The following P2RY2 variants were observed in gnomAD, a reference collection of about 807,000 sequenced individuals.
P2RY2 encodes the protein P2Y purinoceptor 2.
For synonymous variants in P2RY2, 241 were observed against 231.9 expected (o/e 1.04, Z -0.35); for missense variants, 567 against 515.7 (o/e 1.10, Z -0.96).
Position 73,235,104 on chromosome 11 carries a change from C to T in P2RY2, c.945C>T (p.Arg315=), listed in dbSNP as rs771589233. The change falls in exon 3 of 3, where the codon CGC becomes CGT. Residue 315 remains arginine (R), a synonymous_variant. Coordinates refer to ENST00000393597, the MANE Select transcript of P2RY2 (RefSeq NM_002564.4). ...LYFLAGQRLV[R]FARDAKPPTG... The stretch of plus-strand genomic sequence containing the variant: ...TCCTGGCTGGGCAGAGGCTCGTACG[C>T]TTTGCCCGAGATGCCAAGCCACCCA... The T allele has an allele frequency of 3.7e-5, 60 of 1,606,594 alleles. No homozygotes were observed. The highest frequency in any genetic ancestry group is 5.0e-5 in the Non-Finnish European group (59 of 1,178,536).
At chr11:73,225,662 C>T (rs1213236429) in intron 1 of P2RY2, among the ~76,000 whole-genome samples, 3 of 93,702 alleles carry the variant, frequency 3.2e-5, no homozygotes, top group Non-Finnish European at 6.9e-5. Flanking sequence ...ATGCCGTTTG[C>T]TAATTCAGGA....
At chr11:73,221,506 T>A (rs1192285969) in intron 1 of P2RY2, among the ~76,000 whole-genome samples, 1 of 152,132 alleles carries the variant, frequency 6.6e-6, no homozygotes, top group Non-Finnish European at 1.5e-5. Flanking sequence ...GGCTTTCTTG[T>A]GGCCAGATTA....
chr11:73,232,537 GAGT>G (rs891852119), intron 2 of P2RY2, among the ~76,000 whole-genome samples: 1 of 151,764 alleles, frequency 6.6e-6, no homozygotes, highest in African/African-American at 2.4e-5. Context: ...TCAGACTTCC[GAGT>G]AGCTGGGACT....
intron 2 of P2RY2, among the ~76,000 whole-genome samples, chr11:73,229,800 G>GA (rs1024963007): frequency 6.6e-5 from 10 of 152,128 alleles, no homozygotes; most frequent in African/African-American, 1.9e-4. Flanking sequence ...TGTTGACTGT[G>GA]AAGGGAAGTC....
At chr11:73,233,160 T>G (rs1270117569) in intron 2 of P2RY2, among the ~76,000 whole-genome samples, 1 of 152,166 alleles carries the variant, frequency 6.6e-6, no homozygotes, top group Non-Finnish European at 1.5e-5. Context: ...TATCCCTATC[T>G]CCAACCCAGA....
chr11:73,222,142 C>G (rs1360917634), intron 1 of P2RY2, among the ~76,000 whole-genome samples: 1 of 152,108 alleles, frequency 6.6e-6, no homozygotes, highest in Non-Finnish European at 1.5e-5. Context: ...GAATGAGAGG[C>G]CTGGGTGCTG....
chr11:73,241,087 T>C lies in P2RY2; in HGVS notation c.*5794T>C, dbSNP rs1046360534. On this transcript the variant is annotated 3_prime_UTR_variant, in exon 3 of 3. Coordinates refer to ENST00000393597, the MANE Select transcript of P2RY2 (RefSeq NM_002564.4). ...AGAGCTCCTCACCCTCTTTCCACCA[T>C]GTGAGGATATAATGAGAAGTTGGCA... 6 of 152,182 alleles carry C rather than the reference T, an allele frequency of 3.9e-5. No individual in the cohort carries two copies. Among genetic ancestry groups the C allele is most frequent in the African/African-American group, 1.2e-4 (5 of 41,408 alleles). The allele number at this position is 152,182 out of a possible 1,614,324, so 9.4% of individuals were successfully genotyped here. A position where few individuals can be genotyped will look rare whatever the true frequency, so the allele number is the denominator to read the frequency against.
Position 73,236,526 on chromosome 11 carries a change from C to T in P2RY2, c.*1233C>T, listed in dbSNP as rs1862657534. On this transcript the variant is annotated 3_prime_UTR_variant, in exon 3 of 3. Transcript: ENST00000393597. ...AAGCAGCTCACCGGAAGAACATCCA[C>T]ACACAGGATGCATCCCAGGCAAAGA... 1.0e-6 allele frequency: 1 copy of T among 980,314 alleles called. No individual in the cohort carries two copies. Among genetic ancestry groups the T allele is most frequent in the Admixed American group, 6.2e-5 (1 of 16,260 alleles). The allele number at this position is 980,314 out of a possible 1,614,324, so 60.7% of individuals were successfully genotyped here.
At chr11:73,219,847 A>G (rs1862069207) in intron 1 of P2RY2, among the ~76,000 whole-genome samples, 1 of 152,144 alleles carries the variant, frequency 6.6e-6, no homozygotes, top group Non-Finnish European at 1.5e-5. Flanking sequence ...CTTGGGACCC[A>G]GCTCAGATGT....
chr11:73,228,288 C>G (rs1463281640), intron 2 of P2RY2, 113 bp downstream of exon 2: 1 of 152,224 alleles, frequency 6.6e-6, no homozygotes, highest in Non-Finnish European at 1.5e-5. Flanking sequence ...GATCTGAAGG[C>G]AGGTGCCCTG....
Position 73,235,785 on chromosome 11 carries a change from G to A in P2RY2, c.*492G>A. On this transcript the variant is annotated 3_prime_UTR_variant, in exon 3 of 3. Coordinates refer to ENST00000393597, the MANE Select transcript of P2RY2 (RefSeq NM_002564.4). ...TTTGCACAGTGGTCTGGAATGGACT[G>A]GGTGCCACGGTGGACTTAGCTCTGA... is the stretch of plus-strand genomic sequence containing the variant. 22 of 1,001,594 alleles carry A rather than the reference G, an allele frequency of 2.2e-5. No homozygotes were observed. The highest frequency in any genetic ancestry group is 2.6e-5 in the Non-Finnish European group (22 of 831,072). 62.0% of individuals were successfully genotyped at this position (1,001,594 alleles called of 1,614,324 possible). A position where few individuals can be genotyped will look rare whatever the true frequency, so the allele number is the denominator to read the frequency against.
rs973444693 is a variant in P2RY2, at chr11:73,238,696, G to A, written c.*3403G>A. ...CTATTTAGCAGATGAGGAAACAGGA[G>A]AAGGGCGTGAGAAGTGAGGACTTGT... On this transcript the variant is annotated 3_prime_UTR_variant, in exon 3 of 3. Coordinates refer to ENST00000393597, the MANE Select transcript of P2RY2 (RefSeq NM_002564.4). 3.3e-5 allele frequency among the ~76,000 whole-genome samples: 5 copies of A among 152,234 alleles called. No homozygotes were observed. Among genetic ancestry groups the A allele is most frequent in the African/African-American group, 1.2e-4 (5 of 41,472 alleles).
In P2RY2 at chr11:73,235,948, G is replaced by C; in HGVS notation, c.*655G>C. Reference sequence around the variant, plus strand: ...GTTGCCTGCTGAGCTGTGCCCTATTGTGTGGTCGGGGGATGAGGATATGGC... The same window carrying C: ...GTTGCCTGCTGAGCTGTGCCCTATTCTGTGGTCGGGGGATGAGGATATGGC... On this transcript the variant is annotated 3_prime_UTR_variant, in exon 3 of 3. Transcript: ENST00000393597. 4.0e-6 allele frequency: 4 copies of C among 1,000,350 alleles called. No homozygotes were observed. Among genetic ancestry groups the C allele is most frequent in the Non-Finnish European group, 4.8e-6 (4 of 830,064 alleles). The allele number at this position is 1,000,350 out of a possible 1,614,324, so 62.0% of individuals were successfully genotyped here.
chr11:73,228,349 A>G (rs1453079105), intron 2 of P2RY2, among the ~76,000 whole-genome samples, 174 bp downstream of exon 2: 3 of 152,256 alleles, frequency 2.0e-5, no homozygotes, highest in Non-Finnish European at 4.4e-5. Flanking sequence ...GAAGCCAGAT[A>G]GCTCTGGGTG....
chr11:73,234,848 A>T lies in P2RY2; in HGVS notation c.689A>T (p.Tyr230Phe), dbSNP rs1357382607. Residue 230 changes from tyrosine (Y) to phenylalanine (F), a missense_variant, in exon 3 of 3, where the codon TAC becomes TTC. Physicochemically the swap from Tyr to Phe is conservative, Grantham distance 22. Transcript: ENST00000393597. ...LMARRLLKPA[Y>F]GTSGGLPRAK... is the part of the protein sequence containing the mutation. Reference sequence around the variant, plus strand: ...GCTCGGCGACTGCTAAAGCCAGCCTACGGGACCTCGGGCGGCCTGCCTAGG... The same window carrying T: ...GCTCGGCGACTGCTAAAGCCAGCCTTCGGGACCTCGGGCGGCCTGCCTAGG... The T allele has an allele frequency of 1.2e-6, 2 of 1,610,754 alleles. No homozygotes were observed. Among genetic ancestry groups the T allele is most frequent in the Non-Finnish European group, 8.5e-7 (1 of 1,179,944 alleles).
At chr11:73,227,690 G>C (rs1368394027) in intron 1 of P2RY2, among the ~76,000 whole-genome samples, 1 of 152,222 alleles carries the variant, frequency 6.6e-6, no homozygotes, top group Admixed American at 6.5e-5. Context: ...GACACTGGAG[G>C]CTTGGAGGCT....
Position 73,238,185 on chromosome 11 carries a change from C to T in P2RY2, c.*2892C>T, listed in dbSNP as rs537401764. Among the ~76,000 whole-genome samples the T allele has an allele frequency of 1.3e-5, 2 of 152,342 alleles. No individual in the cohort carries two copies. Among genetic ancestry groups the T allele is most frequent in the African/African-American group, 4.8e-5 (2 of 41,576 alleles). ...CTGCTGTCACTCACACTGCCCAGCT[C>T]TTCCTGCCCAGGGTGACTGGGATGG... On this transcript the variant is annotated 3_prime_UTR_variant, in exon 3 of 3. Coordinates refer to ENST00000393597, the MANE Select transcript of P2RY2 (RefSeq NM_002564.4).
Position 73,234,669 on chromosome 11 carries a change from C to G in P2RY2, c.510C>G (p.Tyr170Ter). 6.3e-7 allele frequency: 1 copy of G among 1,594,224 alleles called. No individual in the cohort carries two copies. Among genetic ancestry groups the G allele is most frequent in the Non-Finnish European group, 8.5e-7 (1 of 1,169,972 alleles). Residue 170 changes from tyrosine to a stop codon, truncating the protein, a stop_gained, in exon 3 of 3, where the codon TAC becomes TAG. Coordinates refer to ENST00000393597, the MANE Select transcript of P2RY2 (RefSeq NM_002564.4). LOFTEE classifies it low-confidence loss of function (END_TRUNC). ...TGGCCTGCCAGGCCCCCGTGCTCTA[C>G]TTTGTCACCACCAGCGCGCGCGGGG... is the stretch of plus-strand genomic sequence containing the variant. Reference protein sequence around the residue: ...LVLACQAPVLYFVTTSARGGR... With the variant: ...LVLACQAPVL
Position 73,235,831 on chromosome 11 carries a change from G to C in P2RY2, c.*538G>C. 2.0e-6 allele frequency: 2 copies of C among 1,000,914 alleles called. No individual in the cohort carries two copies. Among genetic ancestry groups the C allele is most frequent in the Non-Finnish European group, 2.4e-6 (2 of 830,532 alleles). The allele number at this position is 1,000,914 out of a possible 1,614,324, so 62.0% of individuals were successfully genotyped here. On this transcript the variant is annotated 3_prime_UTR_variant, in exon 3 of 3. Transcript: ENST00000393597. ...TCTGAGGAGTACCCCCAGCCCAAGA[G>C]ATGAACATCTGGGGACTAATATCAT... is the stretch of plus-strand genomic sequence containing the variant.
Sources: gnomAD v4.1 joint callset for allele counts (sites outside exome capture counted in the v4.1 genomes callset) on GRCh38, gnomAD v4.1.1 for gene constraint, MANE v1.5 for transcripts, NCBI Gene and HGNC (gene_info 2026-07-23, HGNC 2026-07-21) for gene names.